FBXL18: variants seen among roughly 807,000 people sequenced by gnomAD.
FBXL18 encodes F-box and leucine rich repeat protein 18, also known as F-box/LRR-repeat protein 18.
FBXL18 carries 36 observed loss-of-function variants against 46.0 expected under a neutral mutation model. That is an observed-to-expected ratio of 0.78 (90% CI 0.60 to 1.03). FBXL18 has a LOEUF of 1.03. Among genes scored for constraint, FBXL18 ranks in the 50% least tolerant of loss-of-function variants. FBXL18 has a pLI of 0.00. For synonymous variants in FBXL18, 557 were observed against 465.3 expected (o/e 1.20, Z -2.54); for missense variants, 977 against 1,004.1 (o/e 0.97, Z 0.36).
At chr7:5,507,835 A>G (rs1175633527) in intron 1 of FBXL18, among the ~76,000 whole-genome samples, 1 of 151,430 alleles carries the variant, frequency 6.6e-6, no homozygotes, top group East Asian at 2.0e-4. Flanking sequence ...CACTGTCTCA[A>G]AAGAAAATTA....
At chr7:5,475,745 G>T (rs1247514998), downstream of FBXL18, 3 of 152,266 alleles carry the variant, frequency 2.0e-5, no homozygotes, top group African/African-American at 7.2e-5. This position sits in a 1 kb window ranked among gnomAD's most constrained non-coding sequence, Gnocchi z 4.2. Context: ...CCAAGGAAGG[G>T]GTTGTAGGCA....
In FBXL18 at chr7:5,481,584, G is replaced by A. The variant is rs1029856384; in HGVS notation, c.*191C>T. The A allele has an allele frequency of 2.7e-5, 16 of 600,300 alleles. No homozygotes were observed. Among genetic ancestry groups the A allele is most frequent in the South Asian group, 1.4e-4 (7 of 51,226 alleles). The allele number at this position is 600,300 out of a possible 1,614,324, so 37.2% of individuals were successfully genotyped here. A position where few individuals can be genotyped will look rare whatever the true frequency, so the allele number is the denominator to read the frequency against. On this transcript the variant is annotated 3_prime_UTR_variant, in exon 5 of 5. Transcript: ENST00000382368. ...CATGTCACCCAGAACGCATCCCCTC[G>A]ACCTAAACTTCACAGAGCAACAGTC...
intron 4 of FBXL18, chr7:5,489,108 C>T (rs1330270150): frequency 8.3e-6 from 3 of 360,870 alleles, no homozygotes; most frequent in Non-Finnish European, 1.6e-5. Context: ...GACACAGTGA[C>T]CGTGTTTTTA....
Position 5,477,606 on chromosome 7 carries a change from G to A in FBXL18, c.*4169C>T, listed in dbSNP as rs1783545538. ...AATCCCAGCTACTCAGGAGGCTGATGTGGGAGAATCGCTTGAACCTGTGAG... is the reference window on the plus strand; with the variant it reads ...AATCCCAGCTACTCAGGAGGCTGATATGGGAGAATCGCTTGAACCTGTGAG... On this transcript the variant is annotated 3_prime_UTR_variant, in exon 5 of 5. Transcript: ENST00000382368. This position sits in a 1 kb window ranked among gnomAD's most constrained non-coding sequence, Gnocchi z 4.4. 6.6e-6 allele frequency among the ~76,000 whole-genome samples: 1 copy of A among 152,062 alleles called. No homozygotes were observed. The highest frequency in any genetic ancestry group is 2.4e-5 in the African/African-American group (1 of 41,404).
At chr7:5,459,540 AC>A (rs1783214862) in intron 4 of FBXL18, among the ~76,000 whole-genome samples, 1 of 152,128 alleles carries the variant, frequency 6.6e-6, no homozygotes, top group South Asian at 2.1e-4. Context: ...GGAGATCAAG[AC>A]CATCCTGGCT....
chr7:5,456,639 GA>G (rs11442038), intron 4 of FBXL18, among the ~76,000 whole-genome samples: 20,939 of 140,082 alleles, frequency 0.15, 1,536 homozygotes, highest in South Asian at 0.2. Context: ...TTAAGGTATG[GA>G]AAAAAAAAAA....
At chr7:5,510,571 A>G (rs1784506590) in intron 1 of FBXL18, among the ~76,000 whole-genome samples, 1 of 151,330 alleles carries the variant, frequency 6.6e-6, no homozygotes, top group South Asian at 2.1e-4. Context: ...AGTCAGTCCC[A>G]GCTATTCAAG....
intron 3 of FBXL18, among the ~76,000 whole-genome samples, chr7:5,500,199 C>T (rs1199628525): frequency 6.6e-6 from 1 of 152,096 alleles, no homozygotes; most frequent in Non-Finnish European, 1.5e-5. Context: ...AATGATGCAC[C>T]TGGCAGGGTC....
intron 3 of FBXL18, among the ~76,000 whole-genome samples, chr7:5,498,817 C>G (rs1046847662): frequency 9.9e-5 from 15 of 152,030 alleles, no homozygotes; most frequent in African/African-American, 3.4e-4. Flanking sequence ...AGATGATCCG[C>G]ACACCTTGGC....
intron 3 of FBXL18, among the ~76,000 whole-genome samples, chr7:5,499,120 C>G (rs546035119): frequency 5.1e-4 from 78 of 152,284 alleles, no homozygotes; most frequent in Admixed American, 1.1e-3. Flanking sequence ...GGTCCTGCTC[C>G]TAGTCCCAAG....
chr7:5,456,854 C>T (rs1280807198), intron 4 of FBXL18, among the ~76,000 whole-genome samples: 2 of 152,176 alleles, frequency 1.3e-5, no homozygotes, highest in Non-Finnish European at 2.9e-5. Flanking sequence ...ACCTCCATCT[C>T]CTTGGTTCAA....
chr7:5,492,061 G>A (rs1031727417), intron 3 of FBXL18, among the ~76,000 whole-genome samples: 5 of 151,590 alleles, frequency 3.3e-5, no homozygotes, highest in South Asian at 2.1e-4. Context: ...GGAGGAGGCC[G>A]AGGGGAGTGG....
chr7:5,510,145 T>C (rs752349554), intron 1 of FBXL18, among the ~76,000 whole-genome samples: 20 of 150,114 alleles, frequency 1.3e-4, no homozygotes, highest in African/African-American at 2.0e-4. Flanking sequence ...CGACTAAAAA[T>C]ACAAAAATTA....
At chr7:5,497,720 G>A (rs539654102) in intron 3 of FBXL18, among the ~76,000 whole-genome samples, 42 of 152,300 alleles carry the variant, frequency 2.8e-4, no homozygotes, top group African/African-American at 9.4e-4. Flanking sequence ...GTCAAGCACC[G>A]GTGTTTGCGA....
chr7:5,505,023 C>G (rs945652242), intron 2 of FBXL18, among the ~76,000 whole-genome samples: 5 of 150,988 alleles, frequency 3.3e-5, no homozygotes, highest in African/African-American at 9.7e-5. Context: ...ACTCCTGCAC[C>G]CTGCTGGGGG....
At chr7:5,461,994 T>C (rs1783254452) in intron 4 of FBXL18, among the ~76,000 whole-genome samples, 1 of 151,946 alleles carries the variant, frequency 6.6e-6, no homozygotes. Flanking sequence ...TTCACTCCTG[T>C]AATCCCAGCA....
At chr7:5,495,471 G>A (rs1273733278) in intron 3 of FBXL18, among the ~76,000 whole-genome samples, 3 of 152,192 alleles carry the variant, frequency 2.0e-5, no homozygotes, top group Admixed American at 6.5e-5. Flanking sequence ...TGTCTTTTCT[G>A]CCCAATTTGT....
intron 4 of FBXL18, among the ~76,000 whole-genome samples, chr7:5,488,412 C>T (rs1237068161): frequency 1.3e-5 from 2 of 152,176 alleles, no homozygotes. Context: ...GGGGGCTGCC[C>T]CGTCATGAGC....
intron 1 of FBXL18, among the ~76,000 whole-genome samples, chr7:5,509,366 A>C (rs980033666): frequency 6.6e-6 from 1 of 152,078 alleles, no homozygotes; most frequent in Non-Finnish European, 1.5e-5. Context: ...AAATTCCACA[A>C]CATCATTTTT....
Sources: allele counts gnomAD v4.1 joint callset (sites outside exome capture counted in the v4.1 genomes callset), GRCh38; gene constraint gnomAD v4.1.1; non-coding constraint Gnocchi (gnomAD v3.1); transcripts MANE v1.5; gene names NCBI Gene and HGNC (gene_info 2026-07-23, HGNC 2026-07-21).